NCAPH2: variants seen among roughly 807,000 people sequenced by gnomAD.
The protein encoded by NCAPH2 is condensin-2 complex subunit H2.
In NCAPH2, 56 loss-of-function variants were observed where a neutral mutation model predicts 88.6. The observed-to-expected ratio is 0.63, with a 90% CI of 0.51 to 0.79. NCAPH2 has a LOEUF of 0.79. Ranked by LOEUF, NCAPH2 falls within the 30% of genes least tolerant of loss-of-function variation. The pLI is 0.00. For synonymous variants in NCAPH2, 378 were observed against 313.6 expected (o/e 1.21, Z -2.17); for missense variants, 794 against 792.0 (o/e 1.00, Z -0.03).
chr22:50,524,314 A>G lies in NCAPH2; in HGVS notation c.*939A>G, dbSNP rs1465013378. 3.7e-6 allele frequency: 6 copies of G among 1,602,122 alleles called. No homozygotes were observed. In the South Asian group the frequency reaches 5.5e-5, roughly 15 times the overall value. On this transcript the variant is annotated 3_prime_UTR_variant, in exon 20 of 20. Coordinates refer to ENST00000420993, the MANE Select transcript of NCAPH2 (RefSeq NM_152299.4). ...CTGCCTTGACAAAAGCCAGGACCTC[A>G]GATGCAGGGCCTGGCCTCCCAGGGT... is the stretch of plus-strand genomic sequence containing the variant.
chr22:50,517,164 C>T (rs913389116), intron 2 of NCAPH2, among the ~76,000 whole-genome samples: 24 of 152,224 alleles, frequency 1.6e-4, no homozygotes, highest in Non-Finnish European at 1.5e-4. Flanking sequence ...CTGTCAGGGT[C>T]ACACGTTGAG....
chr22:50,521,443 A>G, intron 10 of NCAPH2, 100 bp from the exon 11 acceptor site: 1 of 1,236,948 alleles, frequency 8.1e-7, no homozygotes. Flanking sequence ...TGTACCCCCT[A>G]CTCTTCCTTT....
intron 9 of NCAPH2, 163 bp from the exon 10 acceptor site, chr22:50,520,802 A>T: frequency 1.4e-6 from 1 of 692,878 alleles, no homozygotes; most frequent in East Asian, 2.9e-5. Flanking sequence ...ACCTCGGGTG[A>T]TCTGCCCGCC....
chr22:50,522,108 A>G, intron 13 of NCAPH2, 69 bp downstream of exon 13: 4 of 1,612,510 alleles, frequency 2.5e-6, no homozygotes, highest in South Asian at 2.2e-5. Context: ...ACCTGGTGTC[A>G]CCCAAAGCCT....
intron 9 of NCAPH2, 177 bp from the exon 10 acceptor site, chr22:50,520,788 C>G (rs764832959): frequency 4.4e-5 from 28 of 636,492 alleles, no homozygotes; most frequent in Non-Finnish European, 6.8e-5. Context: ...GTCTCAAACT[C>G]TTGACCTCGG....
chr22:50,524,225 T>G lies in NCAPH2; in HGVS notation c.*850T>G. 6.2e-7 allele frequency: 1 copy of G among 1,607,726 alleles called. No individual in the cohort carries two copies. On this transcript the variant is annotated 3_prime_UTR_variant, in exon 20 of 20. Coordinates refer to ENST00000420993, the MANE Select transcript of NCAPH2 (RefSeq NM_152299.4). ...AGTCCAGCCCCGAACAGGCCTGTGA[T>G]CAGCAGCCGGGTTCGAAGCCCAGGG...
chr22:50,518,859 A>G, intron 8 of NCAPH2, 127 bp downstream of exon 8: 4 of 988,268 alleles, frequency 4.0e-6, no homozygotes, highest in South Asian at 3.3e-5. Flanking sequence ...TCTGTGGCCC[A>G]TGGGAGTGAG....
Position 50,522,654 on chromosome 22 carries a change from C to T in NCAPH2, c.1376-17C>T. The T allele has an allele frequency of 3.1e-6, 5 of 1,613,704 alleles. No homozygotes were observed. Among genetic ancestry groups the T allele is most frequent in the Non-Finnish European group, 4.2e-6 (5 of 1,179,986 alleles). ...CGTGGCCCCTTAGCTGCCCAGCTCACAGCTACCCCTTCCCAGACGCAGTGC... is the reference window on the plus strand; with the variant it reads ...CGTGGCCCCTTAGCTGCCCAGCTCATAGCTACCCCTTCCCAGACGCAGTGC... On this transcript the variant is annotated splice_polypyrimidine_tract_variant and intron_variant, in intron 16 of 19. Coordinates refer to ENST00000420993, the MANE Select transcript of NCAPH2 (RefSeq NM_152299.4).
At chr22:50,520,748 G>A (rs1313941012) in intron 9 of NCAPH2, 1 of 523,326 alleles carries the variant, frequency 1.9e-6, no homozygotes, top group African/African-American at 1.9e-5. Flanking sequence ...TTTTAGTAGA[G>A]GCGGGGGTTT....
At position 50,517,567 on chromosome 22, in the gene NCAPH2, T is replaced by G. The variant is rs780264028; in HGVS notation, c.267-10T>G. On this transcript the variant is annotated splice_polypyrimidine_tract_variant and intron_variant, in intron 3 of 19. Coordinates refer to ENST00000420993, the MANE Select transcript of NCAPH2 (RefSeq NM_152299.4). ...TCCTGGGATGCCCACGGGATGTGCT[T>G]CTCTCTCAGGCGGGCCAAGCAGCTC... 6.2e-7 allele frequency: 1 copy of G among 1,614,020 alleles called. No homozygotes were observed. The highest frequency in any genetic ancestry group is 8.5e-7 in the Non-Finnish European group (1 of 1,180,004).
At chr22:50,517,169 G>T (rs185424149) in intron 2 of NCAPH2, among the ~76,000 whole-genome samples, 23 of 152,382 alleles carry the variant, frequency 1.5e-4, no homozygotes, top group Admixed American at 1.2e-3. Flanking sequence ...AGGGTCACAC[G>T]TTGAGAAGGC....
rs1216930361 is a variant in NCAPH2 at position 50,522,890 on chromosome 22, G to A, written c.1495G>A (p.Glu499Lys). ...TELSQRIRDW[E>K]DTVQPLLQEQ... ...GCTGAGCCAGCGCATCAGGGACTGGGAGGACACAGTGCAGCCTCTGCTCCA... is the reference window on the plus strand; with the variant it reads ...GCTGAGCCAGCGCATCAGGGACTGGAAGGACACAGTGCAGCCTCTGCTCCA... The change falls in exon 18 of 20, where the codon GAG (glutamate) becomes AAG (lysine). Residue 499 changes from glutamate to lysine, a missense_variant. This residue lies in a region of NCAPH2 where 735 missense variants were observed against 696.3 expected (regional missense o/e 1.06). Coordinates refer to ENST00000420993, the MANE Select transcript of NCAPH2 (RefSeq NM_152299.4). 6.2e-7 allele frequency: 1 copy of A among 1,613,394 alleles called. No homozygotes were observed. Among genetic ancestry groups the A allele is most frequent in the Non-Finnish European group, 8.5e-7 (1 of 1,180,002 alleles).
intron 1 of NCAPH2, among the ~76,000 whole-genome samples, chr22:50,511,173 T>C (rs890309968): frequency 1.3e-5 from 2 of 150,990 alleles, no homozygotes; most frequent in Non-Finnish European, 3.0e-5. Flanking sequence ...TTTATATGTT[T>C]TTTTTTTGAG....
At chr22:50,519,564 A>G (rs1045179443) in intron 9 of NCAPH2, 8 of 1,290,738 alleles carry the variant, frequency 6.2e-6, no homozygotes, top group Non-Finnish European at 7.9e-6. Flanking sequence ...GCGTCCAAGG[A>G]TTTGAGCCCT....
In NCAPH2 at chr22:50,521,738, C is replaced by T. The variant is rs766845474; in HGVS notation, c.1001-3C>T. On this transcript the variant is annotated splice_polypyrimidine_tract_variant and splice_region_variant and intron_variant, in intron 11 of 19. Coordinates refer to ENST00000420993, the MANE Select transcript of NCAPH2 (RefSeq NM_152299.4). ...CTCTAAGACAGTCCCTGTTTGCCCC[C>T]AGGTAGGCCTTACTCTGTGCCCCCC... 1.2e-5 allele frequency: 19 copies of T among 1,613,904 alleles called. No individual in the cohort carries two copies. The Admixed American group carries it at 3.2e-4, about 27-fold the overall frequency.
chr22:50,516,594 G>T, intron 2 of NCAPH2, 46 bp downstream of exon 2: 1 of 1,565,680 alleles, frequency 6.4e-7, no homozygotes, highest in South Asian at 1.1e-5. Flanking sequence ...TGGCCAGTGG[G>T]ACCACAGTCG....
At position 50,524,694 on chromosome 22, in the gene NCAPH2, C is replaced by T. The variant is rs771155587; in HGVS notation, c.*1319C>T. Reference sequence around the variant, plus strand: ...GCACCTGCACCTCAGCAAGGTGAACCTCTTGCTGACGGAAAGCATTCCAAG... The same window carrying T: ...GCACCTGCACCTCAGCAAGGTGAACTTCTTGCTGACGGAAAGCATTCCAAG... On this transcript the variant is annotated 3_prime_UTR_variant, in exon 20 of 20. Transcript: ENST00000420993. 4 of 656,976 alleles carry T rather than the reference C, an allele frequency of 6.1e-6. No individual in the cohort carries two copies. Among genetic ancestry groups the T allele is most frequent in the Non-Finnish European group, 8.7e-6 (3 of 346,556 alleles). The allele number at this position is 656,976 out of a possible 1,614,324, so 40.7% of individuals were successfully genotyped here. A position where few individuals can be genotyped will look rare whatever the true frequency, so the allele number is the denominator to read the frequency against.
chr22:50,522,907 T>C lies in NCAPH2; in HGVS notation c.1512T>C (p.Pro504=), dbSNP rs748946438. ...RIRDWEDTVQ[P]LLQEQEQHVP... ...GGGACTGGGAGGACACAGTGCAGCC[T>C]CTGCTCCAGGAGCAGGTGAGGCGGG... is the stretch of plus-strand genomic sequence containing the variant. Residue 504 remains proline (P), a synonymous_variant, in exon 18 of 20, where the codon CCT becomes CCC. Transcript: ENST00000420993. 1.2e-6 allele frequency: 2 copies of C among 1,613,166 alleles called. No homozygotes were observed. Among genetic ancestry groups the C allele is most frequent in the African/African-American group, 2.7e-5 (2 of 74,924 alleles).
chr22:50,509,152 C>CT (rs1569519614), intron 1 of NCAPH2, among the ~76,000 whole-genome samples: 1 of 152,118 alleles, frequency 6.6e-6, no homozygotes, highest in Non-Finnish European at 1.5e-5. Context: ...TATCCAGTCT[C>CT]TAAGTGTTGA....
Sources: allele counts gnomAD v4.1 joint callset (sites outside exome capture counted in the v4.1 genomes callset), GRCh38; gene constraint gnomAD v4.1.1; regional missense constraint gnomAD v4.1.1; transcripts MANE v1.5; gene names NCBI Gene and HGNC (gene_info 2026-07-23, HGNC 2026-07-21).